The following STK32B variants were observed in gnomAD, a reference collection of about 807,000 sequenced individuals.
STK32B encodes serine/threonine kinase 32B.
STK32B carries 43 observed loss-of-function variants against 52.6 expected under a neutral mutation model. The observed-to-expected ratio is 0.82, with a 90% CI of 0.64 to 1.05. STK32B has a LOEUF of 1.05. Among genes scored for constraint, STK32B ranks in the 50% least tolerant of loss-of-function variants. STK32B has a pLI of 0.00. For synonymous variants in STK32B, 238 were observed against 204.3 expected, an observed-to-expected ratio of 1.17 and a Z score of -1.41; for missense variants, 621 against 534.6, an observed-to-expected ratio of 1.16 and a Z score of -1.59.
intron 11 of STK32B, among the ~76,000 whole-genome samples, chr4:5,471,890 A>G (rs1207163215): frequency 6.6e-6 from 1 of 152,170 alleles, no homozygotes; most frequent in Non-Finnish European, 1.5e-5. Flanking sequence ...TTGAACATAG[A>G]TTCCTGCTAT....
In STK32B at chr4:5,252,182, G is replaced by C. The variant is rs182029658; in HGVS notation, c.261-79038G>C. Among the ~76,000 whole-genome samples, 113 of 152,262 alleles carry C rather than the reference G, an allele frequency of 7.4e-4. 1 individual carries two copies. Among genetic ancestry groups the C allele is most frequent in the Admixed American group, 6.9e-3 (105 of 15,284 alleles). ...ATGAGATACCTTTTCTATGCTCAGA[G>C]TCACTACTTTTTATCCCCTTCCCCA... is the stretch of plus-strand genomic sequence containing the variant. On this transcript the variant is annotated intron_variant, in intron 3 of 11. Transcript: ENST00000282908.
In STK32B at chr4:5,395,444, C is replaced by T. The variant is rs1291519701; in HGVS notation, c.435-2763C>T. Among the ~76,000 whole-genome samples, 1 of 152,174 alleles carries T rather than the reference C, an allele frequency of 6.6e-6. No individual in the cohort carries two copies. Among genetic ancestry groups the T allele is most frequent in the Non-Finnish European group, 1.5e-5 (1 of 68,030 alleles). On this transcript the variant is annotated intron_variant, in intron 4 of 11. Coordinates refer to ENST00000282908, the MANE Select transcript of STK32B (RefSeq NM_018401.3). This position sits in a 1 kb window ranked among gnomAD's most constrained non-coding sequence, Gnocchi z 4.4. ...TGCTATTCAGATGTCAACCCAATGT[C>T]ACCACTTCTTAAAGGTCTTCCTGAC...
chr4:5,419,146 C>T (rs1712413689), intron 6 of STK32B, among the ~76,000 whole-genome samples: 1 of 152,166 alleles, frequency 6.6e-6, no homozygotes. Context: ...GTAGAAATTG[C>T]TCATTTTATG....
At chr4:5,251,513 T>A (rs890961851) in intron 3 of STK32B, among the ~76,000 whole-genome samples, 4 of 152,214 alleles carry the variant, frequency 2.6e-5, no homozygotes, top group Non-Finnish European at 5.9e-5. Context: ...CAGGTAAGCA[T>A]GAAGCCTCCA....
In STK32B at chr4:5,196,593, C is replaced by T. The variant is rs570635327; in HGVS notation, c.260+28143C>T. 7.9e-5 allele frequency among the ~76,000 whole-genome samples: 12 copies of T among 151,816 alleles called. No individual in the cohort carries two copies. In the South Asian group the frequency reaches 1.0e-3, roughly 13 times the overall value. On this transcript the variant is annotated intron_variant, in intron 3 of 11. Coordinates refer to ENST00000282908, the MANE Select transcript of STK32B (RefSeq NM_018401.3). ...AAAATTAGCTGGGCATGGTGGCGCA[C>T]GCCTATAATCCCAGCTACTCAGGAG...
intron 3 of STK32B, among the ~76,000 whole-genome samples, chr4:5,182,711 G>A (rs1176110968): frequency 2.0e-5 from 3 of 151,966 alleles, no homozygotes; most frequent in South Asian, 4.2e-4. Context: ...TGCCTGCCTC[G>A]GCCTCTCAAA....
At position 5,389,896 on chromosome 4, in the gene STK32B, G is replaced by C. The variant is rs866882191; in HGVS notation, c.435-8311G>C. 2.0e-5 allele frequency among the ~76,000 whole-genome samples: 3 copies of C among 152,340 alleles called. No homozygotes were observed. The Middle Eastern group carries it at 0.01, about 518-fold the overall frequency. On this transcript the variant is annotated intron_variant, in intron 4 of 11. Transcript: ENST00000282908. The stretch of plus-strand genomic sequence containing the variant: ...ATCACAAGGCTCCTGCCAATGAGCA[G>C]ATAGTAGGGTCGGAGAAGCAGTAGG...
chr4:5,105,377 C>T (rs1012196447), intron 1 of STK32B, among the ~76,000 whole-genome samples: 8 of 152,216 alleles, frequency 5.3e-5, no homozygotes, highest in African/African-American at 1.9e-4. Context: ...TGATTATTTG[C>T]ATTTAGATAT....
chr4:5,159,642 AATGTATATGAATAT>A (rs1560186091), intron 2 of STK32B, among the ~76,000 whole-genome samples: 1 of 92,198 alleles, frequency 1.1e-5, no homozygotes, highest in African/African-American at 5.9e-5. Flanking sequence ...TATATATATG[AATGTATATGAATAT>A]ATATATGAAT....
At chr4:5,198,806 C>A (rs1334041898) in intron 3 of STK32B, among the ~76,000 whole-genome samples, 1 of 152,056 alleles carries the variant, frequency 6.6e-6, no homozygotes, top group Admixed American at 6.5e-5. Context: ...GTCCTCATGT[C>A]ACATTTCGGT....
chr4:5,074,583 TAG>T lies in STK32B; in HGVS notation c.52+22670_52+22671del, dbSNP rs1196068709. On this transcript the variant is annotated intron_variant, in intron 1 of 11. Coordinates refer to ENST00000282908, the MANE Select transcript of STK32B (RefSeq NM_018401.3). Reference sequence around the variant, plus strand: ...ATTTTTCTTTATATGCTAGATATTGTAGATGGTATATTATAGAAGCTAGCATG... The same window carrying T: ...ATTTTTCTTTATATGCTAGATATTGTATGGTATATTATAGAAGCTAGCATG... Among the ~76,000 whole-genome samples, 3 of 152,114 alleles carry T rather than the reference TAG, an allele frequency of 2.0e-5. No homozygotes were observed. In the East Asian group the frequency reaches 5.8e-4, roughly 29 times the overall value.
intron 3 of STK32B, among the ~76,000 whole-genome samples, chr4:5,188,300 T>A (rs1720905720): frequency 6.6e-6 from 1 of 152,172 alleles, no homozygotes; most frequent in Non-Finnish European, 1.5e-5. Context: ...AGAAATAGCA[T>A]TCGCATGTAA....
intron 3 of STK32B, among the ~76,000 whole-genome samples, chr4:5,310,097 C>T (rs972669199): frequency 2.6e-5 from 4 of 151,998 alleles, no homozygotes; most frequent in African/African-American, 4.8e-5. Flanking sequence ...ACCCAGGAGG[C>T]GGAGACTGCA....
intron 3 of STK32B, among the ~76,000 whole-genome samples, chr4:5,247,355 C>A (rs929597297): frequency 2.0e-5 from 3 of 152,206 alleles, no homozygotes; most frequent in African/African-American, 7.2e-5. Context: ...GCTCCATAGG[C>A]GTAGGACCCT....
intron 2 of STK32B, among the ~76,000 whole-genome samples, chr4:5,157,311 A>AAAAAAAAAAC (rs1560183950): frequency 6.6e-6 from 1 of 151,198 alleles, no homozygotes. Context: ...AAAAAAAAAA[A>AAAAAAAAAAC]AAAAAAAAAG....
intron 3 of STK32B, among the ~76,000 whole-genome samples, chr4:5,313,259 T>C (rs1368896519): frequency 1.3e-5 from 2 of 152,000 alleles, no homozygotes; most frequent in Admixed American, 6.6e-5. Context: ...TAATCTACCA[T>C]GTTCAACAAG....
rs537676239 is a variant in STK32B, at chr4:5,251,066, G to A, written c.261-80154G>A. On this transcript the variant is annotated intron_variant, in intron 3 of 11. Transcript: ENST00000282908. ...GGACAGAAGCTCTTTAGTTTAATTA[G>A]GTTCCATTTGTCAATTTTGGTTTTG... Among the ~76,000 whole-genome samples the A allele has an allele frequency of 3.3e-5, 5 of 152,200 alleles. No individual in the cohort carries two copies. The East Asian group carries it at 9.7e-4, about 29-fold the overall frequency.
At chr4:5,232,233 A>G (rs1336896713) in intron 3 of STK32B, among the ~76,000 whole-genome samples, 2 of 152,220 alleles carry the variant, frequency 1.3e-5, no homozygotes, top group African/African-American at 4.8e-5. Context: ...AGTCTATTAG[A>G]TAACATTATT....
intron 3 of STK32B, among the ~76,000 whole-genome samples, chr4:5,210,842 C>T (rs1315063786): frequency 6.6e-6 from 1 of 150,534 alleles, no homozygotes; most frequent in Non-Finnish European, 1.5e-5. Flanking sequence ...ATGCCCCAGG[C>T]TGGAATGCAG....
Sources: gnomAD v4.1 joint callset for allele counts (sites outside exome capture counted in the v4.1 genomes callset) on GRCh38, gnomAD v4.1.1 for gene constraint, Gnocchi (gnomAD v3.1) non-coding constraint, MANE v1.5 for transcripts, NCBI Gene and HGNC (gene_info 2026-07-23, HGNC 2026-07-21) for gene names.